CERT1: variants seen among roughly 807,000 people sequenced by gnomAD.
CERT1 encodes ceramide transfer protein.
Under a neutral mutation model 87.9 loss-of-function variants are expected in CERT1, and 31 were observed. That is an observed-to-expected ratio of 0.35 (90% CI 0.27 to 0.48). The LOEUF (loss-of-function observed/expected upper bound fraction) is 0.48. Among genes scored for constraint, CERT1 ranks in the 20% least tolerant of loss-of-function variants. The pLI is 0.99. For missense variants in CERT1, 487 were observed against 758.0 expected, an observed-to-expected ratio of 0.64 and a Z score of 4.20; for synonymous variants, 289 against 250.9, an observed-to-expected ratio of 1.15 and a Z score of -1.44.
intron 8 of CERT1, 24 bp from the exon 9 acceptor site, chr5:75,403,082 A>C: frequency 6.6e-7 from 1 of 1,508,628 alleles, no homozygotes; most frequent in Non-Finnish European, 9.1e-7. Flanking sequence ...CAGTGGAGAA[A>C]AAAGCAGTTT....
intron 1 of CERT1, among the ~76,000 whole-genome samples, chr5:75,509,578 A>T (rs1214998865): frequency 6.6e-6 from 1 of 152,150 alleles, no homozygotes; most frequent in Non-Finnish European, 1.5e-5. Flanking sequence ...TATCTATAGT[A>T]TACCTACTCC....
chr5:75,411,866 T>C (rs1227629615), intron 7 of CERT1, among the ~76,000 whole-genome samples: 1 of 152,206 alleles, frequency 6.6e-6, no homozygotes, highest in Non-Finnish European at 1.5e-5. Flanking sequence ...GATCAATGAA[T>C]GCTAAAAAGA....
intron 2 of CERT1, among the ~76,000 whole-genome samples, chr5:75,480,628 C>G (rs1226844000): frequency 6.6e-6 from 1 of 152,208 alleles, no homozygotes; most frequent in Non-Finnish European, 1.5e-5. Flanking sequence ...CAGTTGCTCT[C>G]TCTATTATCT....
chr5:75,401,513 A>C (rs1762470787), intron 9 of CERT1: 2 of 152,192 alleles, frequency 1.3e-5, no homozygotes, highest in Admixed American at 1.3e-4. Context: ...CCAAAACAGC[A>C]CATCCTAGAC....
intron 2 of CERT1, among the ~76,000 whole-genome samples, chr5:75,465,999 G>A (rs991864187): frequency 6.6e-5 from 10 of 152,138 alleles, no homozygotes; most frequent in Non-Finnish European, 1.3e-4. Context: ...ATTTGAAGGA[G>A]ACCTTCCACT....
At chr5:75,430,663 GA>G (rs1561257758) in intron 3 of CERT1, among the ~76,000 whole-genome samples, 1 of 150,566 alleles carries the variant, frequency 6.6e-6, no homozygotes, top group African/African-American at 2.4e-5. Context: ...AGTTGATAAA[GA>G]AAAAAATGTA....
intron 2 of CERT1, among the ~76,000 whole-genome samples, chr5:75,504,236 C>G (rs1580867573): frequency 6.6e-6 from 1 of 151,954 alleles, no homozygotes; most frequent in Non-Finnish European, 1.5e-5. Context: ...AATGATCTAT[C>G]TCGGAAGAAA....
In CERT1 at chr5:75,468,523, G is replaced by A. The variant is rs577046095; in HGVS notation, c.232-9342C>T. Among the ~76,000 whole-genome samples, 89 of 152,154 alleles carry A rather than the reference G, an allele frequency of 5.8e-4. 1 individual carries two copies. Among genetic ancestry groups the A allele is most frequent in the African/African-American group, 2.1e-3 (86 of 41,492 alleles). On this transcript the variant is annotated intron_variant, in intron 2 of 16. Coordinates refer to ENST00000643780, the MANE Select transcript of CERT1 (RefSeq NM_001379029.1). ...ACTGAATCTCCTCACCTATCCCAGT[G>A]ACAGGTGGTAAACTATAGCCCTCAC...
chr5:75,417,422 A>G (rs1269185963), intron 6 of CERT1, among the ~76,000 whole-genome samples: 1 of 152,182 alleles, frequency 6.6e-6, no homozygotes, highest in Non-Finnish European at 1.5e-5. Context: ...TAAACTAAAG[A>G]ATCTAATAAA....
intron 3 of CERT1, among the ~76,000 whole-genome samples, chr5:75,447,241 G>A (rs1220070239): frequency 2.0e-5 from 3 of 152,106 alleles, no homozygotes; most frequent in Non-Finnish European, 4.4e-5. Flanking sequence ...TTTCAAAACA[G>A]TTATATCAGA....
intron 2 of CERT1, among the ~76,000 whole-genome samples, chr5:75,492,049 A>G (rs1179578078): frequency 6.6e-6 from 1 of 152,178 alleles, no homozygotes; most frequent in Non-Finnish European, 1.5e-5. Context: ...TATTTTAAAA[A>G]ATCTGATAGT....
downstream of CERT1, chr5:75,377,752 A>G (rs1366407821): frequency 6.6e-6 from 1 of 152,222 alleles, no homozygotes; most frequent in East Asian, 1.9e-4. Flanking sequence ...TGGTGAATGC[A>G]AGACAGGGTA....
intron 8 of CERT1, among the ~76,000 whole-genome samples, chr5:75,405,976 A>C (rs1473040971): frequency 6.6e-6 from 1 of 151,692 alleles, no homozygotes; most frequent in Non-Finnish European, 1.5e-5. Flanking sequence ...CTTTGACTCT[A>C]ATTTAGGCCA....
At chr5:75,479,128 A>T (rs549506252) in intron 2 of CERT1, among the ~76,000 whole-genome samples, 1 of 152,098 alleles carries the variant, frequency 6.6e-6, no homozygotes, top group South Asian at 2.1e-4. Context: ...TGTTTTGTTG[A>T]GTTTTTAATA....
intron 15 of CERT1, among the ~76,000 whole-genome samples, chr5:75,381,728 T>A (rs1215587664): frequency 6.6e-6 from 1 of 151,966 alleles, no homozygotes; most frequent in Non-Finnish European, 1.5e-5. Context: ...CACGAAACAT[T>A]AGAAGGAAAG....
intron 1 of CERT1, among the ~76,000 whole-genome samples, chr5:75,509,024 G>T (rs1220502100): frequency 6.6e-6 from 1 of 151,814 alleles, no homozygotes; most frequent in African/African-American, 2.4e-5. Context: ...AGTATTTTTG[G>T]AATCTATACA....
intron 2 of CERT1, among the ~76,000 whole-genome samples, chr5:75,482,378 C>A (rs1766287515): frequency 6.6e-6 from 1 of 152,120 alleles, no homozygotes; most frequent in Non-Finnish European, 1.5e-5. Flanking sequence ...GCTAGTTCAG[C>A]CCCAGTAAAA....
Position 75,399,359 on chromosome 5 carries a change from G to C in CERT1, c.1139C>G (p.Ser380Cys), listed in dbSNP as rs1433322507. 8.1e-6 allele frequency: 13 copies of C among 1,613,168 alleles called. No homozygotes were observed. Among genetic ancestry groups the C allele is most frequent in the Non-Finnish European group, 1.1e-5 (13 of 1,179,506 alleles). Residue 380 changes from serine (S) to cysteine (C), a missense_variant, in exon 11 of 17, where the codon TCC (serine) becomes TGC (cysteine). Ser to Cys is a moderately radical substitution (Grantham distance 112). Transcript: ENST00000643780. ...ATCAGAGGCACTGACTAGATCAATG[G>C]AAGACATGGAGGAAGAGCGACTATA... ...KPYSRSSSMS[S>C]IDLVSASDDV... is the part of the protein sequence containing the mutation.
chr5:75,410,952 T>C (rs1296579419), intron 8 of CERT1, 59 bp downstream of exon 8: 3 of 897,920 alleles, frequency 3.3e-6, no homozygotes, highest in Non-Finnish European at 3.5e-6. Context: ...TATTAAAAAA[T>C]CACTTTTGTG....
Sources: allele counts gnomAD v4.1 joint callset (sites outside exome capture counted in the v4.1 genomes callset), GRCh38; gene constraint gnomAD v4.1.1; transcripts MANE v1.5; gene names NCBI Gene and HGNC (gene_info 2026-07-23, HGNC 2026-07-21).